The following RFX3 variants were observed in gnomAD, a reference collection of about 807,000 sequenced individuals.
The protein encoded by RFX3 is regulatory factor X3, also known as transcription factor RFX3.
RFX3 carries 14 observed loss-of-function variants against 98.6 expected under a neutral mutation model. The ratio of observed to expected loss-of-function variants is 0.14; its 90% CI spans 0.09 to 0.22. The LOEUF (loss-of-function observed/expected upper bound fraction) is 0.22. Ranked by LOEUF, RFX3 falls within the 10% of genes least tolerant of loss-of-function variation. The pLI, the probability that RFX3 is intolerant of heterozygous loss-of-function variation, is 1.00. For synonymous variants in RFX3, 383 were observed against 328.4 expected, an observed-to-expected ratio of 1.17 and a Z score of -1.80; for missense variants, 639 against 926.9, an observed-to-expected ratio of 0.69 and a Z score of 4.03.
At chr9:3,247,874 A>G (rs781543045) in intron 15 of RFX3, 158 bp downstream of exon 15, 41 of 1,608,906 alleles carry the variant, frequency 2.5e-5, no homozygotes, top group Middle Eastern at 1.6e-4. Flanking sequence ...GAACAGAGGA[A>G]TTTAAGGAAC....
intron 1 of RFX3, among the ~76,000 whole-genome samples, chr9:3,499,395 G>T (rs1450546129): frequency 6.6e-6 from 1 of 151,776 alleles, no homozygotes; most frequent in African/African-American, 2.4e-5. Context: ...TATAAAAACA[G>T]ATTTTTTTCA....
intron 1 of RFX3, among the ~76,000 whole-genome samples, chr9:3,479,616 G>A (rs914958613): frequency 6.6e-6 from 1 of 152,172 alleles, no homozygotes; most frequent in African/African-American, 2.4e-5. Flanking sequence ...TGGTCTCAGA[G>A]CCACTCTCAG....
chr9:3,313,147 G>C (rs1454139102), intron 4 of RFX3, among the ~76,000 whole-genome samples: 1 of 152,170 alleles, frequency 6.6e-6, no homozygotes, highest in Non-Finnish European at 1.5e-5. Context: ...ATACAGCCAG[G>C]TGCTCCTCTG....
At chr9:3,324,653 T>A (rs1208206376) in intron 4 of RFX3, among the ~76,000 whole-genome samples, 1 of 151,518 alleles carries the variant, frequency 6.6e-6, no homozygotes, top group Non-Finnish European at 1.5e-5. Context: ...GCTAGAATAT[T>A]GTTAGAATAA....
At chr9:3,505,391 T>G (rs1191711933) in intron 1 of RFX3, among the ~76,000 whole-genome samples, 1 of 126,280 alleles carries the variant, frequency 7.9e-6, no homozygotes, top group Non-Finnish European at 1.6e-5. Flanking sequence ...ATTTATATAA[T>G]ATAAAATAAA....
chr9:3,414,907 TAC>T (rs1054538932), intron 1 of RFX3, among the ~76,000 whole-genome samples: 2 of 137,028 alleles, frequency 1.5e-5, no homozygotes, highest in African/African-American at 2.7e-5. Flanking sequence ...TGAGTATATA[TAC>T]ACACATATAT....
At position 3,239,369 on chromosome 9, in the gene RFX3, A is replaced by C. The variant is rs187690566; in HGVS notation, c.1968+8663T>G. Among the ~76,000 whole-genome samples the C allele has an allele frequency of 4.6e-5, 7 of 152,318 alleles. No homozygotes were observed. The East Asian group carries it at 9.6e-4, about 21-fold the overall frequency. On this transcript the variant is annotated intron_variant, in intron 15 of 16. Coordinates refer to ENST00000617270, the MANE Select transcript of RFX3 (RefSeq NM_001282116.2). Reference sequence around the variant, plus strand: ...ATAGTTTTTATTGAAACCTGCTAAGAAGGCCAAGATCTCTGGCAGTTTGCT... The same window carrying C: ...ATAGTTTTTATTGAAACCTGCTAAGCAGGCCAAGATCTCTGGCAGTTTGCT...
chr9:3,413,901 T>G (rs939571594), intron 1 of RFX3, among the ~76,000 whole-genome samples: 1 of 152,042 alleles, frequency 6.6e-6, no homozygotes, highest in Non-Finnish European at 1.5e-5. Flanking sequence ...ACATGAAGAA[T>G]GGTAAGGCTA....
chr9:3,495,493 T>C (rs923740443), intron 1 of RFX3, among the ~76,000 whole-genome samples: 1 of 152,110 alleles, frequency 6.6e-6, no homozygotes, highest in Admixed American at 6.5e-5. Context: ...AGTATTTAAT[T>C]CTTTAAAATG....
chr9:3,354,417 C>T (rs749930114), intron 2 of RFX3, among the ~76,000 whole-genome samples: 2 of 151,610 alleles, frequency 1.3e-5, no homozygotes, highest in African/African-American at 2.4e-5. Flanking sequence ...GAACATTAAA[C>T]CAAAGTGCAT....
intron 15 of RFX3, among the ~76,000 whole-genome samples, chr9:3,245,585 A>G (rs1263296335): frequency 6.6e-6 from 1 of 152,206 alleles, no homozygotes. Flanking sequence ...GAGTCAAGAT[A>G]GAAGGACATA....
intron 6 of RFX3, among the ~76,000 whole-genome samples, chr9:3,291,849 G>C (rs923772521): frequency 6.6e-6 from 1 of 151,760 alleles, no homozygotes; most frequent in Non-Finnish European, 1.5e-5. Context: ...GATCACAAAA[G>C]AGATGGAGAC....
chr9:3,373,938 A>C (rs1006689548), intron 2 of RFX3, among the ~76,000 whole-genome samples: 4 of 151,958 alleles, frequency 2.6e-5, no homozygotes, highest in Non-Finnish European at 4.4e-5. Context: ...CTTAGCCAGG[A>C]GTGGTGGCAT....
At chr9:3,348,506 C>G (rs1259766637) in intron 2 of RFX3, among the ~76,000 whole-genome samples, 1 of 151,472 alleles carries the variant, frequency 6.6e-6, no homozygotes, top group Non-Finnish European at 1.5e-5. Context: ...TTGCGGTAGT[C>G]TAATTCTATT....
chr9:3,245,210 G>T (rs1820503586), intron 15 of RFX3, among the ~76,000 whole-genome samples: 1 of 152,194 alleles, frequency 6.6e-6, no homozygotes, highest in African/African-American at 2.4e-5. Flanking sequence ...TGGAGTAACT[G>T]AGTCTCCCTG....
chr9:3,382,200 G>C (rs1272229776), intron 2 of RFX3, among the ~76,000 whole-genome samples: 1 of 151,946 alleles, frequency 6.6e-6, no homozygotes, highest in African/African-American at 2.4e-5. Context: ...CTTGGCCTGA[G>C]GCTTACTTTT....
intron 1 of RFX3, among the ~76,000 whole-genome samples, chr9:3,426,448 G>A (rs1844041748): frequency 6.6e-6 from 1 of 151,674 alleles, no homozygotes; most frequent in African/African-American, 2.4e-5. Context: ...CCCCTCAACT[G>A]TCTGTGGAAC....
chr9:3,330,118 T>A, intron 4 of RFX3, 141 bp downstream of exon 4: 1 of 808,252 alleles, frequency 1.2e-6, no homozygotes, highest in Non-Finnish European at 1.9e-6. Context: ...TATACTACAT[T>A]CTGCAAACTC....
chr9:3,241,224 GTTT>G (rs34401123), intron 15 of RFX3, among the ~76,000 whole-genome samples: 6 of 132,608 alleles, frequency 4.5e-5, no homozygotes, highest in Non-Finnish European at 5.0e-5. Context: ...GGAGTTTTTT[GTTT>G]TTTTTTTTTT....
Sources: gnomAD v4.1 joint callset for allele counts (sites outside exome capture counted in the v4.1 genomes callset) on GRCh38, gnomAD v4.1.1 for gene constraint, MANE v1.5 for transcripts, NCBI Gene and HGNC (gene_info 2026-07-23, HGNC 2026-07-21) for gene names.